JPH1: variants seen among roughly 807,000 people sequenced by gnomAD.
The protein encoded by JPH1 is junctophilin-1.
In JPH1, 12 loss-of-function variants were observed where a neutral mutation model predicts 53.6. That is an observed-to-expected ratio of 0.22 (90% confidence interval 0.14 to 0.36). The LOEUF (loss-of-function observed/expected upper bound fraction) is 0.36. Among genes scored for constraint, JPH1 ranks in the 10% least tolerant of loss-of-function variants. The probability of loss-of-function intolerance (pLI) is 1.00; values close to 1 mark genes in which losing one functional copy is unlikely to be tolerated. For synonymous variants in JPH1, 375 were observed against 363.8 expected (o/e 1.03, Z -0.35); for missense variants, 808 against 905.5 (o/e 0.89, Z 1.38).
chr8:74,312,703 C>T (rs894061991), intron 2 of JPH1, among the ~76,000 whole-genome samples: 1 of 152,140 alleles, frequency 6.6e-6, no homozygotes, highest in African/African-American at 2.4e-5. Flanking sequence ...CCCTGGCGAC[C>T]ACCATTTTAC....
intron 3 of JPH1, among the ~76,000 whole-genome samples, chr8:74,256,132 G>A (rs1205564446): frequency 6.6e-6 from 1 of 152,092 alleles, no homozygotes; most frequent in African/African-American, 2.4e-5. Context: ...GCAAAGACTT[G>A]GAACCAACCC....
Position 74,319,533 on chromosome 8 carries a change from T to A in JPH1, c.379+1376A>T, listed in dbSNP as rs574559924. 1.8e-4 allele frequency among the ~76,000 whole-genome samples: 27 copies of A among 152,336 alleles called. No individual in the cohort carries two copies. In the South Asian group the frequency reaches 5.4e-3, roughly 30 times the overall value. ...ATTAGAGAACGTTTTTTTCTTTTAA[T>A]CCATGAGAACCATATGCTTAATTTA... On this transcript the variant is annotated intron_variant, in intron 1 of 5. Transcript: ENST00000342232.
At position 74,293,581 on chromosome 8, in the gene JPH1, A is replaced by C. The variant is rs113819926; in HGVS notation, c.1139+21280T>G. On this transcript the variant is annotated intron_variant, in intron 2 of 5. Transcript: ENST00000342232. ...TACCCCATCATGCAGAAATATTTCA[A>C]AATAATTCCCTAAATTTCTCTGAGT... Among the ~76,000 whole-genome samples the C allele has an allele frequency of 5.8e-3, 881 of 152,340 alleles. 10 individuals carry two copies. The highest frequency in any genetic ancestry group is 0.02 in the African/African-American group (836 of 41,576).
At chr8:74,309,317 CTT>C (rs1807924078) in intron 2 of JPH1, among the ~76,000 whole-genome samples, 1 of 152,236 alleles carries the variant, frequency 6.6e-6, no homozygotes, top group African/African-American at 2.4e-5. Context: ...AACCTCCTCA[CTT>C]TATAGTATTT....
chr8:74,263,745 G>A (rs1050857001), intron 2 of JPH1, among the ~76,000 whole-genome samples: 1 of 152,102 alleles, frequency 6.6e-6, no homozygotes, highest in Non-Finnish European at 1.5e-5. Context: ...CTTCCACATT[G>A]TCTTGAAAGT....
At chr8:74,259,764 T>C (rs1394445247) in intron 2 of JPH1, among the ~76,000 whole-genome samples, 2 of 152,202 alleles carry the variant, frequency 1.3e-5, no homozygotes, top group Non-Finnish European at 2.9e-5. Flanking sequence ...TGATGCTAAG[T>C]GTGGTTTTCA....
rs57942995 is a variant in JPH1, at chr8:74,277,338, C to T, written c.1140-17835G>A. 1.7e-3 allele frequency among the ~76,000 whole-genome samples: 256 copies of T among 152,346 alleles called. 2 individuals are homozygous for T. The highest frequency in any genetic ancestry group is 6.0e-3 in the African/African-American group (251 of 41,568). Reference sequence around the variant, plus strand: ...GTAATATTTGGCATTGAAAAGCCGGCTACCTCAATCTACAGCATATTGTTA... The same window carrying T: ...GTAATATTTGGCATTGAAAAGCCGGTTACCTCAATCTACAGCATATTGTTA... On this transcript the variant is annotated intron_variant, in intron 2 of 5. Transcript: ENST00000342232.
At chr8:74,318,472 C>T (rs1353738111) in intron 1 of JPH1, among the ~76,000 whole-genome samples, 1 of 152,114 alleles carries the variant, frequency 6.6e-6, no homozygotes, top group Admixed American at 6.6e-5. Flanking sequence ...AGTGAAAAAA[C>T]AAAGTACAGA....
chr8:74,235,147 C>A lies in JPH1; in HGVS notation c.*1904G>T, dbSNP rs902546702. On this transcript the variant is annotated 3_prime_UTR_variant, in exon 6 of 6. Coordinates refer to ENST00000342232, the MANE Select transcript of JPH1 (RefSeq NM_020647.4). ...ATTTTATTATTATTTTTTTAAAAAA[C>A]CAGCTTTCCCAGCGTAAGGAGCTAT... 12 of 152,150 alleles carry A rather than the reference C, an allele frequency of 7.9e-5. No homozygotes were observed. The highest frequency in any genetic ancestry group is 1.3e-4 in the Non-Finnish European group (9 of 67,992). 9.4% of individuals were successfully genotyped at this position (152,150 alleles called of 1,614,324 possible).
chr8:74,270,013 T>A (rs995322824), intron 2 of JPH1, among the ~76,000 whole-genome samples: 1 of 152,246 alleles, frequency 6.6e-6, no homozygotes, highest in African/African-American at 2.4e-5. Flanking sequence ...TCTCCTTACT[T>A]CTCTATTCAA....
chr8:74,319,032 C>G (rs1808240157), intron 1 of JPH1, among the ~76,000 whole-genome samples: 1 of 151,862 alleles, frequency 6.6e-6, no homozygotes, highest in Non-Finnish European at 1.5e-5. Flanking sequence ...ACAGTACCAC[C>G]CAGGATGATG....
chr8:74,246,493 G>C (rs1464500409), intron 3 of JPH1, among the ~76,000 whole-genome samples: 1 of 152,036 alleles, frequency 6.6e-6, no homozygotes, highest in Non-Finnish European at 1.5e-5. Flanking sequence ...TAATGAGGCT[G>C]CTATTTAATT....
intron 2 of JPH1, among the ~76,000 whole-genome samples, chr8:74,278,845 G>A (rs1806924829): frequency 2.0e-5 from 3 of 152,140 alleles, no homozygotes. Flanking sequence ...TGTGACTCTG[G>A]CAGACCACTT....
In JPH1 at chr8:74,235,339, C is replaced by T. The variant is rs1381614188; in HGVS notation, c.*1712G>A. 1.3e-5 allele frequency: 2 copies of T among 152,522 alleles called. No individual in the cohort carries two copies. The highest frequency in any genetic ancestry group is 2.9e-5 in the Non-Finnish European group (2 of 68,002). The allele number at this position is 152,522 out of a possible 1,614,324, so 9.4% of individuals were successfully genotyped here. Reference sequence around the variant, plus strand: ...CTCTCTTTCTGCCTTCTTCTTTATTCCATATTGGTCACACCCAGGATTTTC... The same window carrying T: ...CTCTCTTTCTGCCTTCTTCTTTATTTCATATTGGTCACACCCAGGATTTTC... On this transcript the variant is annotated 3_prime_UTR_variant, in exon 6 of 6. Coordinates refer to ENST00000342232, the MANE Select transcript of JPH1 (RefSeq NM_020647.4).
At chr8:74,272,825 C>T (rs1209747545) in intron 2 of JPH1, among the ~76,000 whole-genome samples, 2 of 151,896 alleles carry the variant, frequency 1.3e-5, no homozygotes, top group African/African-American at 4.8e-5. Context: ...AGGATGGTCT[C>T]GATCTCCTGA....
At chr8:74,299,452 T>G (rs1200317598) in intron 2 of JPH1, among the ~76,000 whole-genome samples, 1 of 152,106 alleles carries the variant, frequency 6.6e-6, no homozygotes, top group Non-Finnish European at 1.5e-5. Context: ...TTTGGGCCAA[T>G]CAAAGGGGGT....
At chr8:74,237,847 A>G (rs1317587044) in intron 4 of JPH1, among the ~76,000 whole-genome samples, 1 of 152,186 alleles carries the variant, frequency 6.6e-6, no homozygotes, top group Non-Finnish European at 1.5e-5. Flanking sequence ...TGTAAGTGAG[A>G]AGTTGGATAC....
Position 74,320,271 on chromosome 8 carries a change from ACT to A in JPH1, c.379+636_379+637del, listed in dbSNP as rs765616441. 2.0e-5 allele frequency among the ~76,000 whole-genome samples: 3 copies of A among 152,110 alleles called. No homozygotes were observed. Among genetic ancestry groups the A allele is most frequent in the Non-Finnish European group, 4.4e-5 (3 of 68,030 alleles). ...CGGAATGAAAACTAGGAACTCACAC[ACT>A]CTGAACTCCACCTGCATCAGGTGGC... On this transcript the variant is annotated intron_variant, in intron 1 of 5. Coordinates refer to ENST00000342232, the MANE Select transcript of JPH1 (RefSeq NM_020647.4). The surrounding 1 kb of genome is among the most constrained non-coding windows in gnomAD (Gnocchi z 4.4).
In JPH1 at chr8:74,314,950, TG is replaced by T; in HGVS notation, c.1049del (p.Thr350LysfsTer27). ...CTCTGTCCACCTTCTCCCTAGTTTT[TG>T]TATGTCTTATTGGTATAAGCTGCTT... ...IRKQLIPIRH[T>X]KTREKVDRAI... On this transcript the variant is annotated frameshift_variant, in exon 2 of 6. Coordinates refer to ENST00000342232, the MANE Select transcript of JPH1 (RefSeq NM_020647.4). LOFTEE classifies it high-confidence loss of function. 6.2e-7 allele frequency: 1 copy of T among 1,614,234 alleles called. No homozygotes were observed. Among genetic ancestry groups the T allele is most frequent in the Non-Finnish European group, 8.5e-7 (1 of 1,180,038 alleles).
Sources: allele counts gnomAD v4.1 joint callset (sites outside exome capture counted in the v4.1 genomes callset), GRCh38; gene constraint gnomAD v4.1.1; non-coding constraint Gnocchi (gnomAD v3.1); transcripts MANE v1.5; gene names NCBI Gene and HGNC (gene_info 2026-07-23, HGNC 2026-07-21).